TCP11L2: variants seen among roughly 807,000 people sequenced by gnomAD.
The protein encoded by TCP11L2 is t-complex 11 like 2, also known as T-complex protein 11-like protein 2.
Under a neutral mutation model 50.7 loss-of-function variants are expected in TCP11L2, and 39 were observed. The ratio of observed to expected loss-of-function variants is 0.77; its 90% CI spans 0.60 to 1.01. TCP11L2 has a LOEUF of 1.01. Among genes scored for constraint, TCP11L2 ranks in the 50% least tolerant of loss-of-function variants. The pLI is 0.00. For missense variants in TCP11L2, 612 were observed against 614.7 expected (o/e 1.00, Z 0.05); for synonymous variants, 192 against 219.3 (o/e 0.88, Z 1.10).
chr12:106,302,320 C>CCGCCCCCGCTCCG, upstream of TCP11L2, among the ~76,000 whole-genome samples: 1 of 40,074 alleles, frequency 2.5e-5, no homozygotes, highest in African/African-American at 9.4e-5. Flanking sequence ...AGCCCCCGCT[C>CCGCCCCCGCTCCG]CCCCCGCTCA....
chr12:106,314,570 TGTGTGTGAGAGAGAGA>T (rs1386742013), intron 3 of TCP11L2, 77 bp downstream of exon 3: 25 of 975,866 alleles, frequency 2.6e-5, no homozygotes, highest in South Asian at 1.3e-4. Flanking sequence ...TGTGTGTGTG[TGTGTGTGAGAGAGAGA>T]GAGAGAGAGA....
At position 106,321,614 on chromosome 12, in the gene TCP11L2, T is replaced by C; in HGVS notation, c.543T>C (p.Tyr181=). 1.7e-5 allele frequency: 27 copies of C among 1,614,214 alleles called. No individual in the cohort carries two copies. Among genetic ancestry groups the C allele is most frequent in the Non-Finnish European group, 2.1e-5 (25 of 1,180,024 alleles). ...SAVDIQGLAN[Y]VISTMGKLCA... Reference sequence around the variant, plus strand: ...TTGACATCCAAGGCCTGGCCAACTATGTCATCAGTACGATGGGAAAGCTGT... The same window carrying C: ...TTGACATCCAAGGCCTGGCCAACTACGTCATCAGTACGATGGGAAAGCTGT... Residue 181 remains tyrosine, a synonymous_variant, in exon 5 of 10, where the codon TAT becomes TAC. Coordinates refer to ENST00000299045, the MANE Select transcript of TCP11L2 (RefSeq NM_152772.3).
chr12:106,346,849 G>A lies in TCP11L2; in HGVS notation c.*319G>A, dbSNP rs74755050. 0.028 allele frequency: 5,974 copies of A among 216,254 alleles called. 109 individuals are homozygous for A. Among genetic ancestry groups the A allele is most frequent in the Middle Eastern group, 0.05 (30 of 606 alleles). The allele number at this position is 216,254 out of a possible 1,614,324, so 13.4% of individuals were successfully genotyped here. ...ATGTTTTCTTAACCATTTATATTTGGCTTATGACATTTAACCCCTAAGGAG... is the reference window on the plus strand; with the variant it reads ...ATGTTTTCTTAACCATTTATATTTGACTTATGACATTTAACCCCTAAGGAG... On this transcript the variant is annotated 3_prime_UTR_variant, in exon 10 of 10. Transcript: ENST00000299045.
At chr12:106,323,206 C>CAT (rs2035404043) in intron 5 of TCP11L2, among the ~76,000 whole-genome samples, 4 of 152,220 alleles carry the variant, frequency 2.6e-5, no homozygotes, top group South Asian at 2.1e-4. Context: ...GAATAGAGGC[C>CAT]ATATACCCTG....
chr12:106,330,223 C>T, intron 6 of TCP11L2: 3 of 985,364 alleles, frequency 3.0e-6, no homozygotes, highest in Non-Finnish European at 3.6e-6. Flanking sequence ...CTGGAATAGC[C>T]TTGGCATGTC....
intron 6 of TCP11L2, chr12:106,329,337 C>T (rs974168373): frequency 1.1e-5 from 17 of 1,535,934 alleles, no homozygotes; most frequent in Admixed American, 3.9e-5. Flanking sequence ...CAGGAAAAGC[C>T]GAGGTTGCAG....
intron 2 of TCP11L2, chr12:106,312,463 C>G (rs1318158459): frequency 2.6e-6 from 3 of 1,145,634 alleles, no homozygotes; most frequent in Middle Eastern, 4.8e-4. Context: ...ACTCTTTATA[C>G]TGTATGTGGT....
intron 1 of TCP11L2, among the ~76,000 whole-genome samples, chr12:106,309,730 G>A (rs2034774700): frequency 1.3e-5 from 2 of 151,274 alleles, no homozygotes; most frequent in Admixed American, 1.3e-4. Context: ...CACAGTTTTA[G>A]GTAGCTGGAC....
At chr12:106,319,375 T>A (rs561393737) in intron 4 of TCP11L2, among the ~76,000 whole-genome samples, 11 of 152,286 alleles carry the variant, frequency 7.2e-5, no homozygotes, top group African/African-American at 1.2e-4. Context: ...CTATAGCAGT[T>A]TTTTCCCCCC....
intron 6 of TCP11L2, among the ~76,000 whole-genome samples, chr12:106,328,937 C>G (rs1048984808): frequency 6.6e-6 from 1 of 152,102 alleles, no homozygotes; most frequent in African/African-American, 2.4e-5. Context: ...CTGCTGGGCA[C>G]GTGACTCTGC....
Position 106,323,565 on chromosome 12 carries a change from A to T in TCP11L2, c.691A>T (p.Met231Leu). ...AATGGACATGGCCAATTTTACAATT[A>T]TGAGTCTCAGACCGCACCTTCAACG... Reference protein sequence around the residue: ...MQMDMANFTIMSLRPHLQRQL... With the variant: ...MQMDMANFTILSLRPHLQRQL... The change falls in exon 6 of 10, where the codon ATG (methionine) becomes TTG (leucine). Residue 231 changes from methionine to leucine, a missense_variant. Coordinates refer to ENST00000299045, the MANE Select transcript of TCP11L2 (RefSeq NM_152772.3). 1 of 1,610,122 alleles carries T rather than the reference A, an allele frequency of 6.2e-7. No individual in the cohort carries two copies. The highest frequency in any genetic ancestry group is 8.5e-7 in the Non-Finnish European group (1 of 1,178,240).
rs532648710 is a variant in TCP11L2, at chr12:106,330,210, C to T, written c.773-5429C>T. The stretch of plus-strand genomic sequence containing the variant: ...GAATTACTGCCTCCAAACTTTCAGC[C>T]TCCTGGAATAGCCTTGGCATGTCAA... On this transcript the variant is annotated intron_variant, in intron 6 of 9. Coordinates refer to ENST00000299045, the MANE Select transcript of TCP11L2 (RefSeq NM_152772.3). The T allele has an allele frequency of 2.7e-4, 269 of 985,424 alleles. 1 individual carries two copies. Among genetic ancestry groups the T allele is most frequent in the South Asian group, 9.4e-4 (20 of 21,290 alleles). 61.0% of individuals were successfully genotyped at this position (985,424 alleles called of 1,614,324 possible). A position where few individuals can be genotyped will look rare whatever the true frequency, so the allele number is the denominator to read the frequency against.
intron 2 of TCP11L2, chr12:106,312,327 TG>T: frequency 1.1e-6 from 1 of 897,212 alleles, no homozygotes; most frequent in Non-Finnish European, 1.6e-6. Flanking sequence ...GAAGCCTTTC[TG>T]GAAAGACTTT....
upstream of TCP11L2, among the ~76,000 whole-genome samples, chr12:106,302,162 C>T (rs937344975): frequency 1.3e-5 from 2 of 152,174 alleles, no homozygotes; most frequent in African/African-American, 4.8e-5. Context: ...CCCGTCTAGA[C>T]AGGGGTGTGC....
At chr12:106,340,563 A>G (rs1255462929) in intron 8 of TCP11L2, among the ~76,000 whole-genome samples, 2 of 152,180 alleles carry the variant, frequency 1.3e-5, no homozygotes, top group East Asian at 3.9e-4. Flanking sequence ...TTGCAGGTGC[A>G]TTTTTGGGGA....
Position 106,336,173 on chromosome 12 carries a change from A to G in TCP11L2, c.1102A>G (p.Thr368Ala), listed in dbSNP as rs775268931. Residue 368 changes from threonine to alanine, a missense_variant, in exon 8 of 10, where the codon ACA becomes GCA. Coordinates refer to ENST00000299045, the MANE Select transcript of TCP11L2 (RefSeq NM_152772.3). ...GGLPELASRLTRISAVLLEGM... is the reference protein window; with the variant it reads ...GGLPELASRLARISAVLLEGM... ...CCTGCCTGAGCTTGCAAGCAGGTTA[A>G]CAAGGATTTCAGCTGTTCTACTTGA... 6.2e-7 allele frequency: 1 copy of G among 1,612,770 alleles called. No homozygotes were observed. Among genetic ancestry groups the G allele is most frequent in the Non-Finnish European group, 8.5e-7 (1 of 1,179,694 alleles).
In TCP11L2 at chr12:106,311,085, A is replaced by G; in HGVS notation, c.10A>G (p.Asn4Asp). The part of the protein sequence containing the change: MPF[N>D]GEKQCVGEDQ... ...ACTTAAGTGACGCAAAATGCCCTTC[A>G]ATGGCGAGAAGCAGTGTGTGGGAGA... The change falls in exon 2 of 10, where the codon AAT (asparagine) becomes GAT (aspartate). Residue 4 changes from asparagine to aspartate, a missense_variant. Coordinates refer to ENST00000299045, the MANE Select transcript of TCP11L2 (RefSeq NM_152772.3). 1 of 1,614,156 alleles carries G rather than the reference A, an allele frequency of 6.2e-7. No individual in the cohort carries two copies. Among genetic ancestry groups the G allele is most frequent in the Non-Finnish European group, 8.5e-7 (1 of 1,180,010 alleles).
At chr12:106,300,328 TTTTTG>T (rs543592876), upstream of TCP11L2, among the ~76,000 whole-genome samples, 1 of 152,056 alleles carries the variant, frequency 6.6e-6, no homozygotes, top group South Asian at 2.1e-4. Context: ...CAAAGTGTTG[TTTTTG>T]TTTTGTTTTG....
In TCP11L2 at chr12:106,335,681, A is replaced by G. The variant is rs780137508; in HGVS notation, c.815A>G (p.Asn272Ser). 1 of 1,614,244 alleles carries G rather than the reference A, an allele frequency of 6.2e-7. No homozygotes were observed. The highest frequency in any genetic ancestry group is 1.7e-5 in the Admixed American group (1 of 60,016). ...ACAGAATGGATAAAAGAATCTGTAA[A>G]TGAAGAATTATTTTCTCTTTCTGAG... Reference protein sequence around the residue: ...QTTEWIKESVNEELFSLSESA... With the variant: ...QTTEWIKESVSEELFSLSESA... Residue 272 changes from asparagine to serine, a missense_variant, in exon 7 of 10, where the codon AAT (asparagine) becomes AGT (serine). Physicochemically the swap from Asn to Ser is conservative, Grantham distance 46 (BLOSUM62 1). Transcript: ENST00000299045.
Sources: allele counts gnomAD v4.1 joint callset (sites outside exome capture counted in the v4.1 genomes callset), GRCh38; gene constraint gnomAD v4.1.1; transcripts MANE v1.5; gene names NCBI Gene and HGNC (gene_info 2026-07-23, HGNC 2026-07-21).